Variants in NUAK2 observed in about 807,000 individuals in gnomAD.
The protein encoded by NUAK2 is NUAK family SNF1-like kinase 2.
In NUAK2, 20 loss-of-function variants were observed where a neutral mutation model predicts 29.8. That is an observed-to-expected ratio of 0.67 (90% CI 0.47 to 0.98). The LOEUF is 0.98. Among genes scored for constraint, NUAK2 ranks in the 50% least tolerant of loss-of-function variants. The pLI, the probability that NUAK2 is intolerant of heterozygous loss-of-function variation, is 0.00. For missense variants in NUAK2, 719 were observed against 834.5 expected (o/e 0.86, Z 1.71); for synonymous variants, 331 against 342.6 (o/e 0.97, Z 0.37).
intron 1 of NUAK2, among the ~76,000 whole-genome samples, chr1:205,319,924 T>TACACAC (rs377521023): frequency 0.044 from 3,445 of 78,488 alleles, 53 homozygotes; most frequent in Non-Finnish European, 0.069. Flanking sequence ...GGGCAAACCA[T>TACACAC]ACACACACAC....
intron 5 of NUAK2, 124 bp from the exon 6 acceptor site, chr1:205,305,455 G>A (rs1418150440): frequency 1.4e-6 from 2 of 1,443,090 alleles, no homozygotes; most frequent in African/African-American, 1.4e-5. Flanking sequence ...GGCCAAGACG[G>A]GGATGCTGCA....
chr1:205,306,428 C>T (rs1350107506), intron 4 of NUAK2, 121 bp from the exon 5 acceptor site: 2 of 1,287,140 alleles, frequency 1.6e-6, no homozygotes, highest in Admixed American at 2.4e-5. Context: ...GAAAGGGTCC[C>T]CATGACCCTT....
At chr1:205,316,761 A>G (rs184181484) in intron 1 of NUAK2, among the ~76,000 whole-genome samples, 2 of 152,276 alleles carry the variant, frequency 1.3e-5, no homozygotes, top group East Asian at 3.9e-4. Flanking sequence ...GCAGCCCCAT[A>G]CTATGGCCAC....
In NUAK2 at chr1:205,303,268, C is replaced by A. The variant is rs1662111791; in HGVS notation, c.*182G>T. 3 of 505,176 alleles carry A rather than the reference C, an allele frequency of 5.9e-6. No homozygotes were observed. The highest frequency in any genetic ancestry group is 6.7e-5 in the South Asian group (2 of 29,890). The allele number at this position is 505,176 out of a possible 1,614,324, so 31.3% of individuals were successfully genotyped here. On this transcript the variant is annotated 3_prime_UTR_variant, in exon 7 of 7. Coordinates refer to ENST00000367157, the MANE Select transcript of NUAK2 (RefSeq NM_030952.3). ...AGCAGGGCTGAAGACAGACACTGAA[C>A]CCTTGGCGCATTTCATTTGCCTACT...
At chr1:205,306,515 T>C (rs1486913670) in intron 4 of NUAK2, among the ~76,000 whole-genome samples, 1 of 152,106 alleles carries the variant, frequency 6.6e-6, no homozygotes, top group Non-Finnish European at 1.5e-5. Context: ...ATAAGGAGCA[T>C]CTAGACAGAG....
Position 205,308,784 on chromosome 1 carries a change from C to A in NUAK2, c.353-52G>T. The A allele has an allele frequency of 6.3e-7, 1 of 1,593,084 alleles. No homozygotes were observed. Among genetic ancestry groups the A allele is most frequent in the Non-Finnish European group, 8.6e-7 (1 of 1,165,684 alleles). ...AGGCCCTCCCAGAGTGCACTGCTCT[C>A]CACTGGGGGTGACTCACTCCTCCCC... On this transcript the variant is annotated intron_variant, in intron 2 of 6. Transcript: ENST00000367157. This position sits in a 1 kb window ranked among gnomAD's most constrained non-coding sequence, Gnocchi z 4.1.
Position 205,308,646 on chromosome 1 carries a change from G to A in NUAK2, c.439C>T (p.Leu147Phe). 1 of 1,614,112 alleles carries A rather than the reference G, an allele frequency of 6.2e-7. No individual in the cohort carries two copies. The highest frequency in any genetic ancestry group is 8.5e-7 in the Non-Finnish European group (1 of 1,180,022). ...AAATGCCTAGCTTCGCGCTCACTGA[G>A]CTGCTGCCGCTCGCTGATGTAGTCA... ...LYDYISERQQLSEREARHFFR... is the reference protein window; with the variant it reads ...LYDYISERQQFSEREARHFFR... Residue 147 changes from leucine (L) to phenylalanine (F), a missense_variant, in exon 3 of 7, where the codon CTC (leucine) becomes TTC (phenylalanine). Transcript: ENST00000367157. This position sits in a 1 kb window ranked among gnomAD's most constrained non-coding sequence, Gnocchi z 4.1.
chr1:205,305,588 A>G (rs370730199), intron 5 of NUAK2: 20 of 869,686 alleles, frequency 2.3e-5, no homozygotes, highest in Non-Finnish European at 2.6e-5. Context: ...TCATCTCTAC[A>G]TCACTCTCAG....
At chr1:205,319,245 A>T (rs929109252) in intron 1 of NUAK2, among the ~76,000 whole-genome samples, 1 of 152,186 alleles carries the variant, frequency 6.6e-6, no homozygotes, top group African/African-American at 2.4e-5. Context: ...AGGGAGGTTC[A>T]CAGCAGGTCC....
In NUAK2 at chr1:205,304,149, G is replaced by T; in HGVS notation, c.1188C>A (p.Ala396=). The T allele has an allele frequency of 6.2e-7, 1 of 1,614,154 alleles. No homozygotes were observed. The highest frequency in any genetic ancestry group is 8.5e-7 in the Non-Finnish European group (1 of 1,180,014). ...SLHSDTADDT[A]HRPGKSNLKL... ...TGAGGTTGCTCTTGCCAGGGCGATG[G>T]GCAGTGTCATCAGCCGTGTCACTGT... Residue 396 remains alanine, a synonymous_variant, in exon 7 of 7, where the codon GCC becomes GCA. Coordinates refer to ENST00000367157, the MANE Select transcript of NUAK2 (RefSeq NM_030952.3). This position sits in a 1 kb window ranked among gnomAD's most constrained non-coding sequence, Gnocchi z 6.5.
chr1:205,321,250 C>T, intron 1 of NUAK2, 148 bp downstream of exon 1: 1 of 699,118 alleles, frequency 1.4e-6, no homozygotes, highest in Middle Eastern at 4.1e-4. Flanking sequence ...GCCAGGGACA[C>T]CCCGCAGTAG....
chr1:205,303,489 G>T lies in NUAK2; in HGVS notation c.1848C>A (p.Thr616=). 1 of 1,607,302 alleles carries T rather than the reference G, an allele frequency of 6.2e-7. No homozygotes were observed. Among genetic ancestry groups the T allele is most frequent in the Non-Finnish European group, 8.5e-7 (1 of 1,176,692 alleles). ...SLTDCQEVTA[T]YRQALRVCSK... ...AGCAGACCCTCAGTGCCTGTCGGTA[G>T]GTCGCTGTCACCTCCTGGCAGTCTG... Residue 616 remains threonine (T), a synonymous_variant, in exon 7 of 7, where the codon ACC becomes ACA. Coordinates refer to ENST00000367157, the MANE Select transcript of NUAK2 (RefSeq NM_030952.3).
chr1:205,315,689 G>A (rs1437121500), intron 1 of NUAK2, among the ~76,000 whole-genome samples: 2 of 151,978 alleles, frequency 1.3e-5, no homozygotes, highest in Non-Finnish European at 2.9e-5. Flanking sequence ...CCTGGCCAAC[G>A]TGGTGAAACC....
Position 205,304,497 on chromosome 1 carries a change from G to C in NUAK2, c.840C>G (p.Ile280Met). ...TGGGGTTCACCATCAACAGCCACCGGATCAGGCCACAGGCATCTGGAAGAC... is the reference window on the plus strand; with the variant it reads ...TGGGGTTCACCATCAACAGCCACCGCATCAGGCCACAGGCATCTGGAAGAC... Reference protein sequence around the residue: ...PPKPSDACGLIRWLLMVNPTR... With the variant: ...PPKPSDACGLMRWLLMVNPTR... The change falls in exon 7 of 7, where the codon ATC becomes ATG. Residue 280 changes from isoleucine to methionine, a missense_variant. This residue lies in a region of NUAK2 where 430 missense variants were observed against 465.7 expected (regional missense o/e 0.92). Transcript: ENST00000367157. This position sits in a 1 kb window ranked among gnomAD's most constrained non-coding sequence, Gnocchi z 6.5. The C allele has an allele frequency of 1.3e-6, 2 of 1,515,122 alleles. No individual in the cohort carries two copies. Among genetic ancestry groups the C allele is most frequent in the Non-Finnish European group, 1.8e-6 (2 of 1,132,588 alleles). The allele number at this position is 1,515,122 out of a possible 1,614,324, so 93.9% of individuals were successfully genotyped here.
chr1:205,308,495 A>C lies in NUAK2; in HGVS notation c.504+86T>G, dbSNP rs1025028316. ...CTCTGTTTCTGTGTGATCCTGGACA[A>C]GTCATGGAACCTCTCTGGTCCAAAA... On this transcript the variant is annotated intron_variant, in intron 3 of 6. Transcript: ENST00000367157. The surrounding 1 kb of genome is among the most constrained non-coding windows in gnomAD (Gnocchi z 4.1). 19 of 1,421,274 alleles carry C rather than the reference A, an allele frequency of 1.3e-5. No homozygotes were observed. In the Middle Eastern group the frequency reaches 6.6e-4, roughly 49 times the overall value. 88.0% of individuals were successfully genotyped at this position (1,421,274 alleles called of 1,614,324 possible). A position where few individuals can be genotyped will look rare whatever the true frequency, so the allele number is the denominator to read the frequency against.
chr1:205,308,069 A>T lies in NUAK2; in HGVS notation c.570+96T>A. On this transcript the variant is annotated intron_variant, in intron 4 of 6. Coordinates refer to ENST00000367157, the MANE Select transcript of NUAK2 (RefSeq NM_030952.3). This position sits in a 1 kb window ranked among gnomAD's most constrained non-coding sequence, Gnocchi z 4.1. ...AAGGTCAGCCTTGCTCAGCTCCTTC[A>T]GGAATCCACCAAGAGCTTAGAGCTA... 2.4e-6 allele frequency: 2 copies of T among 820,236 alleles called. No individual in the cohort carries two copies. Among genetic ancestry groups the T allele is most frequent in the Non-Finnish European group, 4.1e-6 (2 of 487,480 alleles). 50.8% of individuals were successfully genotyped at this position (820,236 alleles called of 1,614,324 possible). A position where few individuals can be genotyped will look rare whatever the true frequency, so the allele number is the denominator to read the frequency against.
At chr1:205,319,611 C>A (rs1662377627) in intron 1 of NUAK2, among the ~76,000 whole-genome samples, 1 of 152,178 alleles carries the variant, frequency 6.6e-6, no homozygotes, top group South Asian at 2.1e-4. Context: ...CCTGACAAAG[C>A]CTGGGTCCAA....
At chr1:205,306,492 A>C (rs1422553071) in intron 4 of NUAK2, among the ~76,000 whole-genome samples, 185 bp from the exon 5 acceptor site, 1 of 152,150 alleles carries the variant, frequency 6.6e-6, no homozygotes, top group Non-Finnish European at 1.5e-5. Flanking sequence ...ACGAACCCTG[A>C]GGAGCTGTGT....
Position 205,303,843 on chromosome 1 carries a change from G to C in NUAK2, c.1494C>G (p.Arg498=), listed in dbSNP as rs1662129529. 1 of 1,609,580 alleles carries C rather than the reference G, an allele frequency of 6.2e-7. No individual in the cohort carries two copies. The highest frequency in any genetic ancestry group is 8.5e-7 in the Non-Finnish European group (1 of 1,177,944). ...TGCCATTGAGTTTGAGGATGCCTTT[G>C]CGATGGAGGAGCAGCCCTGAAGCTT... ...PPQASGLLLH[R]KGILKLNGKF... is the part of the protein sequence containing the mutation. Residue 498 remains arginine (R), a synonymous_variant, in exon 7 of 7, where the codon CGC becomes CGG. Coordinates refer to ENST00000367157, the MANE Select transcript of NUAK2 (RefSeq NM_030952.3).
Sources: allele counts gnomAD v4.1 joint callset (sites outside exome capture counted in the v4.1 genomes callset), GRCh38; gene constraint gnomAD v4.1.1; regional missense constraint gnomAD v4.1.1; non-coding constraint Gnocchi (gnomAD v3.1); transcripts MANE v1.5; gene names NCBI Gene and HGNC (gene_info 2026-07-23, HGNC 2026-07-21).